The following WDPCP variants were observed in gnomAD, a reference collection of about 807,000 sequenced individuals.
The protein encoded by WDPCP is WD repeat-containing and planar cell polarity effector protein fritz homolog.
In WDPCP, 71 loss-of-function variants were observed where a neutral mutation model predicts 93.1. The observed-to-expected ratio is 0.76, with a 90% CI of 0.63 to 0.93. The LOEUF (loss-of-function observed/expected upper bound fraction) is 0.93. Among genes scored for constraint, WDPCP ranks in the 40% least tolerant of loss-of-function variants. The pLI, the probability that WDPCP is intolerant of heterozygous loss-of-function variation, is 0.00. For synonymous variants in WDPCP, 315 were observed against 315.0 expected (o/e 1.00, Z 0.00); for missense variants, 844 against 887.4 (o/e 0.95, Z 0.62).
intron 6 of WDPCP, among the ~76,000 whole-genome samples, chr2:63,465,774 T>A (rs908012971): frequency 3.9e-5 from 6 of 152,200 alleles, no homozygotes; most frequent in Admixed American, 1.3e-4. Context: ...TGTTCTATGC[T>A]GATTATTGTG....
At chr2:63,561,723 C>T (rs1706643838) in intron 1 of WDPCP, among the ~76,000 whole-genome samples, 1 of 152,140 alleles carries the variant, frequency 6.6e-6, no homozygotes, top group Non-Finnish European at 1.5e-5. Flanking sequence ...CATGAAGAGA[C>T]ACTTTTCAAA....
intron 3 of WDPCP, chr2:63,622,702 C>G: frequency 6.2e-7 from 1 of 1,613,694 alleles, no homozygotes; most frequent in South Asian, 1.1e-5. Context: ...TCAGGGGTCA[C>G]CTCCCGGTGT....
chr2:63,625,569 C>T (rs1709801405), intron 3 of WDPCP, among the ~76,000 whole-genome samples: 1 of 152,130 alleles, frequency 6.6e-6, no homozygotes, highest in African/African-American at 2.4e-5. Context: ...GAGTGAACTC[C>T]CATTCACAAT....
the WDPCP span, among the ~76,000 whole-genome samples, chr2:63,840,256 C>G: frequency 0.022 from 3,303 of 152,308 alleles, 122 homozygotes; most frequent in African/African-American, 0.075. Flanking sequence ...TGTGATTTGA[C>G]AAGCCGTGGG....
chr2:63,548,100 A>C (rs1289993783), intron 1 of WDPCP, among the ~76,000 whole-genome samples: 1 of 152,152 alleles, frequency 6.6e-6, no homozygotes, highest in Non-Finnish European at 1.5e-5. Context: ...ATATAACTCA[A>C]AACAAAAATA....
At chr2:63,738,873 G>A (rs572831844) in intron 2 of WDPCP, among the ~76,000 whole-genome samples, 4 of 151,546 alleles carry the variant, frequency 2.6e-5, no homozygotes, top group East Asian at 3.9e-4. Context: ...AAATCCCCCC[G>A]ACAACCCTTT....
At chr2:63,541,567 A>C in intron 1 of WDPCP, among the ~76,000 whole-genome samples, 1 of 152,214 alleles carries the variant, frequency 6.6e-6, no homozygotes, top group African/African-American at 2.4e-5. Context: ...TGAAGTATAT[A>C]GCAAATGTTT....
chr2:63,812,223 C>T (rs1670873025), intron 2 of WDPCP, among the ~76,000 whole-genome samples: 2 of 152,258 alleles, frequency 1.3e-5, no homozygotes, highest in Middle Eastern at 3.4e-3. Context: ...CCAGCTCCAA[C>T]CATGTTGCTG....
intron 12 of WDPCP, among the ~76,000 whole-genome samples, chr2:63,352,799 G>A (rs1475144925): frequency 6.6e-6 from 1 of 152,048 alleles, no homozygotes; most frequent in Non-Finnish European, 1.5e-5. Flanking sequence ...TCTACTTGAG[G>A]GTGCAAGCTC....
chr2:63,382,483 T>A (rs974747861), intron 10 of WDPCP, among the ~76,000 whole-genome samples: 2 of 152,162 alleles, frequency 1.3e-5, no homozygotes, highest in East Asian at 3.9e-4. Context: ...TGTAATTTTT[T>A]AAATCTTTTC....
intron 13 of WDPCP, among the ~76,000 whole-genome samples, chr2:63,269,916 A>G (rs1410938332): frequency 2.0e-5 from 3 of 152,230 alleles, no homozygotes; most frequent in Admixed American, 2.0e-4. Flanking sequence ...AAATATTGAT[A>G]CAATCCTCTT....
intron 3 of WDPCP, among the ~76,000 whole-genome samples, chr2:63,594,015 C>T (rs1393200538): frequency 6.6e-6 from 1 of 152,172 alleles, no homozygotes; most frequent in African/African-American, 2.4e-5. Context: ...CTCCTCCAGA[C>T]AAAGTTGAAG....
chr2:63,252,451 A>C (rs1035450434), intron 14 of WDPCP, among the ~76,000 whole-genome samples: 2 of 152,182 alleles, frequency 1.3e-5, no homozygotes, highest in Non-Finnish European at 1.5e-5. Context: ...GGAGAAGAGA[A>C]AGAAATTAAA....
chr2:63,407,272 A>T (rs11687234), intron 9 of WDPCP, among the ~76,000 whole-genome samples: 3 of 151,756 alleles, frequency 2.0e-5, no homozygotes, highest in African/African-American at 4.8e-5. Context: ...TCTATTGGCC[A>T]GATCAAGGAG....
intron 17 of WDPCP, among the ~76,000 whole-genome samples, chr2:63,139,708 A>G (rs1670915352): frequency 6.6e-6 from 1 of 152,084 alleles, no homozygotes; most frequent in Admixed American, 6.6e-5. Context: ...GATTCTGGAT[A>G]TTAGTCCTTT....
At chr2:63,823,138 T>G (rs1440816431) in intron 1 of WDPCP, among the ~76,000 whole-genome samples, 2 of 151,170 alleles carry the variant, frequency 1.3e-5, no homozygotes, top group East Asian at 3.9e-4. Flanking sequence ...CAAGCCTACT[T>G]TACTGTTTGT....
chr2:63,519,067 C>T (rs1352193939), intron 1 of WDPCP: 2 of 131,530 alleles, frequency 1.5e-5, no homozygotes, highest in Non-Finnish European at 3.2e-5. Flanking sequence ...ACCCCCCCCC[C>T]ATGTTGCTAT....
intron 2 of WDPCP, among the ~76,000 whole-genome samples, chr2:63,731,541 A>T (rs1363072168): frequency 1.3e-5 from 2 of 152,216 alleles, no homozygotes; most frequent in Non-Finnish European, 2.9e-5. Context: ...TACTATTAGG[A>T]AAGTTGGCAA....
In WDPCP at chr2:63,339,945, GA is replaced by G. The variant is rs531283604; in HGVS notation, c.1749-26635del. 3.9e-5 allele frequency among the ~76,000 whole-genome samples: 6 copies of G among 152,146 alleles called. No individual in the cohort carries two copies. The East Asian group carries it at 1.2e-3, about 29-fold the overall frequency. On this transcript the variant is annotated intron_variant, in intron 12 of 17. Coordinates refer to ENST00000272321, the MANE Select transcript of WDPCP (RefSeq NM_015910.7). ...CAAATGCTTTTTTTTGCCATCTATTGAAATAATCATATGTTTTTTGTTATTT... is the reference window on the plus strand; with the variant it reads ...CAAATGCTTTTTTTTGCCATCTATTGAATAATCATATGTTTTTTGTTATTT...
Sources: gnomAD v4.1 joint callset for allele counts (sites outside exome capture counted in the v4.1 genomes callset) on GRCh38, gnomAD v4.1.1 for gene constraint, MANE v1.5 for transcripts, NCBI Gene and HGNC (gene_info 2026-07-23, HGNC 2026-07-21) for gene names.